The following RRP12 variants were observed in gnomAD, a reference collection of about 807,000 sequenced individuals.
RRP12 encodes RRP12-like protein.
In RRP12, 78 loss-of-function variants were observed where a neutral mutation model predicts 157.3. The observed-to-expected ratio is 0.50, with a 90% CI of 0.41 to 0.60. The LOEUF (loss-of-function observed/expected upper bound fraction) is 0.60. RRP12 is among the 20% of genes least tolerant of loss of function. The probability of loss-of-function intolerance (pLI) is 0.00; values close to 1 mark genes in which losing one functional copy is unlikely to be tolerated. For missense variants in RRP12, 1,521 were observed against 1,679.9 expected, an observed-to-expected ratio of 0.91 and a Z score of 1.65; for synonymous variants, 726 against 670.9, an observed-to-expected ratio of 1.08 and a Z score of -1.27.
At chr10:97,379,791 C>T (rs963368104) in intron 13 of RRP12, 21 bp from the exon 14 acceptor site, 2 of 1,589,392 alleles carry the variant, frequency 1.3e-6, no homozygotes, top group African/African-American at 1.4e-5. Flanking sequence ...GATGAGTGAC[C>T]ACACATCAAG....
intron 30 of RRP12, among the ~76,000 whole-genome samples, chr10:97,362,858 G>A (rs1297279700): frequency 6.6e-6 from 1 of 152,190 alleles, no homozygotes; most frequent in Non-Finnish European, 1.5e-5. Context: ...TGGACACTTG[G>A]CAAGGCATAT....
At chr10:97,371,102 A>T in intron 20 of RRP12, 21 bp from the exon 21 acceptor site, 1 of 1,611,240 alleles carries the variant, frequency 6.2e-7, no homozygotes. Flanking sequence ...GGAACCGGTG[A>T]GGGAGGCCTG....
chr10:97,357,802 CA>C (rs1253745893), intron 33 of RRP12, among the ~76,000 whole-genome samples: 1 of 151,424 alleles, frequency 6.6e-6, no homozygotes. Flanking sequence ...ACTAAAAATA[CA>C]AAAAAATTAG....
intron 15 of RRP12, among the ~76,000 whole-genome samples, chr10:97,378,110 C>T (rs536942066): frequency 2.0e-5 from 3 of 152,154 alleles, no homozygotes; most frequent in Non-Finnish European, 2.9e-5. Context: ...ACCATGATCA[C>T]GAAGGATAAG....
intron 15 of RRP12, among the ~76,000 whole-genome samples, chr10:97,374,710 T>G (rs1034545174): frequency 6.9e-6 from 1 of 145,056 alleles, no homozygotes; most frequent in Non-Finnish European, 1.5e-5. Flanking sequence ...AGGTGGAGCT[T>G]GCAGTGAGCC....
Position 97,366,761 on chromosome 10 carries a change from C to T in RRP12, c.3196G>A (p.Ala1066Thr), listed in dbSNP as rs147440292. Residue 1066 changes from alanine (A) to threonine (T), a missense_variant, in exon 27 of 34, where the codon GCC (alanine) becomes ACC (threonine). Ala to Thr is a moderately conservative substitution (Grantham distance 58, BLOSUM62 0). Transcript: ENST00000370992. Reference protein sequence around the residue: ...EEEEEEEEEPAQGKGDSIEEI... With the variant: ...EEEEEEEEEPTQGKGDSIEEI... ...TCTCACCTGTCACCTTTGCCCTGGG[C>T]GGGCTCCTCCTCCTCCTCCTCCTCT... 1,251 of 1,613,616 alleles carry T rather than the reference C, an allele frequency of 7.8e-4. No homozygotes were observed. The highest frequency in any genetic ancestry group is 9.2e-4 in the Non-Finnish European group (1,091 of 1,179,726).
chr10:97,365,086 C>T (rs996366524), intron 29 of RRP12, among the ~76,000 whole-genome samples: 5 of 152,026 alleles, frequency 3.3e-5, no homozygotes, highest in Non-Finnish European at 7.3e-5. Flanking sequence ...GTATGATATC[C>T]ACTCTGAAGC....
chr10:97,394,980 TA>T (rs1267282151), intron 3 of RRP12, among the ~76,000 whole-genome samples: 1 of 151,056 alleles, frequency 6.6e-6, no homozygotes, highest in African/African-American at 2.4e-5. Flanking sequence ...CTGTCTCTAC[TA>T]AAAATACAAA....
In RRP12 at chr10:97,357,047, G is replaced by A. The variant is rs755368156; in HGVS notation, c.*47C>T. On this transcript the variant is annotated 3_prime_UTR_variant, in exon 34 of 34. Transcript: ENST00000370992. ...CTGGTGGCAAGGCAGCCTGGGGGCTGAAAGGGCCTCAGACTGGACCACAGG... is the reference window on the plus strand; with the variant it reads ...CTGGTGGCAAGGCAGCCTGGGGGCTAAAAGGGCCTCAGACTGGACCACAGG... The A allele has an allele frequency of 1.1e-5, 13 of 1,155,616 alleles. No individual in the cohort carries two copies. Among genetic ancestry groups the A allele is most frequent in the Non-Finnish European group, 1.5e-5 (12 of 782,546 alleles). The allele number at this position is 1,155,616 out of a possible 1,614,324, so 71.6% of individuals were successfully genotyped here.
At chr10:97,389,483 T>C (rs968315561) in intron 6 of RRP12, among the ~76,000 whole-genome samples, 12 of 152,100 alleles carry the variant, frequency 7.9e-5, no homozygotes, top group East Asian at 1.9e-4. Context: ...GAAAAGATCA[T>C]GTGAGCACCG....
chr10:97,388,003 G>A, intron 8 of RRP12: 1 of 484,658 alleles, frequency 2.1e-6, no homozygotes, highest in Non-Finnish European at 3.6e-6. Context: ...TGCAGAAGGA[G>A]GGTTTACCAG....
intron 19 of RRP12, 29 bp downstream of exon 19, chr10:97,372,707 G>A: frequency 1.9e-6 from 3 of 1,545,582 alleles, no homozygotes; most frequent in Non-Finnish European, 2.6e-6. Flanking sequence ...GGCTGCTCCA[G>A]CTCAAGTGGG....
chr10:97,379,330 G>A lies in RRP12; in HGVS notation c.1761C>T (p.Thr587=). The A allele has an allele frequency of 2.5e-6, 4 of 1,614,156 alleles. No individual in the cohort carries two copies. The highest frequency in any genetic ancestry group is 3.4e-6 in the Non-Finnish European group (4 of 1,179,982). Residue 587 remains threonine (T), a synonymous_variant, in exon 15 of 34, where the codon ACC becomes ACT. Transcript: ENST00000370992. ...GGGTGTTAGCCAGGGGCAAGAAGTA[G>A]GTGGTGAAAAAACCAAGTCGCGTTT... ...VQETRLGFFT[T]YFLPLANTLK... is the part of the protein sequence containing the mutation.
intron 12 of RRP12, 69 bp from the exon 13 acceptor site, chr10:97,380,982 C>A: frequency 7.9e-7 from 1 of 1,260,292 alleles, no homozygotes; most frequent in South Asian, 1.2e-5. Context: ...AGAAAGTCAA[C>A]GGCCAGCACC....
rs887621735 is a variant in RRP12, at chr10:97,379,422, G to A, written c.1677-8C>T. Reference sequence around the variant, plus strand: ...GGGAAATCCAGAGTCTCCCTGGGAAGAGAATGGGAAGAACCCAATGAGGAT... The same window carrying A: ...GGGAAATCCAGAGTCTCCCTGGGAAAAGAATGGGAAGAACCCAATGAGGAT... On this transcript the variant is annotated splice_region_variant and splice_polypyrimidine_tract_variant and intron_variant, in intron 14 of 33. Transcript: ENST00000370992. 2 of 1,613,872 alleles carry A rather than the reference G, an allele frequency of 1.2e-6. No homozygotes were observed. Among genetic ancestry groups the A allele is most frequent in the East Asian group, 2.2e-5 (1 of 44,886 alleles).
intron 25 of RRP12, among the ~76,000 whole-genome samples, chr10:97,367,813 C>T (rs556797937): frequency 3.9e-5 from 6 of 152,264 alleles, no homozygotes; most frequent in Admixed American, 3.9e-4. Context: ...CTCACTGCAA[C>T]CTCCACCTCC....
At chr10:97,400,606 C>T (rs1845118800) in intron 1 of RRP12, 72 bp from the exon 2 acceptor site, 2 of 1,258,632 alleles carry the variant, frequency 1.6e-6, no homozygotes, top group Non-Finnish European at 2.3e-6. Flanking sequence ...CCCTGGGAAA[C>T]AAACCAGCCC....
In RRP12 at chr10:97,371,701, C is replaced by T. The variant is rs185534092; in HGVS notation, c.2343+372G>A. The T allele has an allele frequency of 1.8e-4, 37 of 208,636 alleles. No individual in the cohort carries two copies. In the East Asian group the frequency reaches 3.3e-3, roughly 19 times the overall value. The allele number at this position is 208,636 out of a possible 1,614,324, so 12.9% of individuals were successfully genotyped here. A position where few individuals can be genotyped will look rare whatever the true frequency, so the allele number is the denominator to read the frequency against. On this transcript the variant is annotated intron_variant, in intron 20 of 33. Transcript: ENST00000370992. ...AACCCTGCAAAGGCACAGACAGGGCCTGTTATATCAGGGAGGCTTAAGGCA... is the reference window on the plus strand; with the variant it reads ...AACCCTGCAAAGGCACAGACAGGGCTTGTTATATCAGGGAGGCTTAAGGCA...
chr10:97,363,605 C>T (rs1475610045), intron 30 of RRP12, among the ~76,000 whole-genome samples: 1 of 152,214 alleles, frequency 6.6e-6, no homozygotes, highest in Non-Finnish European at 1.5e-5. Context: ...GCCCTTGCCC[C>T]TGCATAGCAC....
Sources: gnomAD v4.1 joint callset for allele counts (sites outside exome capture counted in the v4.1 genomes callset) on GRCh38, gnomAD v4.1.1 for gene constraint, MANE v1.5 for transcripts, NCBI Gene and HGNC (gene_info 2026-07-23, HGNC 2026-07-21) for gene names.